ZNF148: variants seen among roughly 807,000 people sequenced by gnomAD.
ZNF148 encodes the protein zinc finger protein 148, also known as Beta-Enolase Repressor Factor-1.
Under a neutral mutation model 67.7 loss-of-function variants are expected in ZNF148, and 7 were observed. That is an observed-to-expected ratio of 0.10 (90% confidence interval 0.06 to 0.19). ZNF148 has a LOEUF of 0.19. Ranked by LOEUF, ZNF148 falls within the 10% of genes least tolerant of loss-of-function variation. ZNF148 has a pLI of 1.00. For synonymous variants in ZNF148, 333 were observed against 330.7 expected, an observed-to-expected ratio of 1.01 and a Z score of -0.08; for missense variants, 583 against 947.1, an observed-to-expected ratio of 0.62 and a Z score of 5.05.
At chr3:125,297,443 T>A (rs1939345099) in intron 4 of ZNF148, among the ~76,000 whole-genome samples, 1 of 145,626 alleles carries the variant, frequency 6.9e-6, no homozygotes, top group Non-Finnish European at 1.5e-5. Context: ...ATACAATAAA[T>A]CGAACCTTAT....
At chr3:125,286,122 A>T (rs927955561) in intron 5 of ZNF148, among the ~76,000 whole-genome samples, 1 of 152,192 alleles carries the variant, frequency 6.6e-6, no homozygotes, top group African/African-American at 2.4e-5. Flanking sequence ...AAATGATTTT[A>T]GAAATAATTT....
intron 2 of ZNF148, among the ~76,000 whole-genome samples, chr3:125,326,794 A>T (rs866542774): frequency 1.4e-5 from 2 of 147,508 alleles, no homozygotes; most frequent in African/African-American, 4.9e-5. Context: ...ATACATCAAG[A>T]TATCTTTTTA....
intron 7 of ZNF148, among the ~76,000 whole-genome samples, chr3:125,254,821 A>G (rs2107556254): frequency 6.6e-6 from 1 of 152,174 alleles, no homozygotes; most frequent in Non-Finnish European, 1.5e-5. Flanking sequence ...AAGTATTTAG[A>G]TTATTTGCAT....
chr3:125,242,987 C>T (rs1402018640), intron 7 of ZNF148, among the ~76,000 whole-genome samples: 2 of 152,172 alleles, frequency 1.3e-5, no homozygotes, highest in Non-Finnish European at 2.9e-5. Flanking sequence ...TCTCGTTTGT[C>T]CTGCTGGACC....
rs1462881858 is a variant in ZNF148, at chr3:125,227,175, T to C, written c.*5166A>G. 4 of 152,460 alleles carry C rather than the reference T, an allele frequency of 2.6e-5. No individual in the cohort carries two copies. The highest frequency in any genetic ancestry group is 6.5e-5 in the Admixed American group (1 of 15,274). 9.4% of individuals were successfully genotyped at this position (152,460 alleles called of 1,614,324 possible). On this transcript the variant is annotated 3_prime_UTR_variant, in exon 9 of 9. Transcript: ENST00000360647. ...TTCCATTTCACTACCCACTCAAGCA[T>C]AGCAACCCAATTCATTTAGTTCTAT...
At chr3:125,285,986 TAC>T (rs1257160710) in intron 5 of ZNF148, among the ~76,000 whole-genome samples, 3 of 152,174 alleles carry the variant, frequency 2.0e-5, no homozygotes, top group South Asian at 2.1e-4. Flanking sequence ...TATCACCAAA[TAC>T]AGAGTCCAAC....
At chr3:125,332,210 T>C (rs1941318617) in intron 1 of ZNF148, among the ~76,000 whole-genome samples, 1 of 152,216 alleles carries the variant, frequency 6.6e-6, no homozygotes, top group South Asian at 2.1e-4. Flanking sequence ...AGCTAGTCAG[T>C]AGCTTTGTTA....
At chr3:125,296,745 A>T (rs1939303417) in intron 4 of ZNF148, among the ~76,000 whole-genome samples, 1 of 152,198 alleles carries the variant, frequency 6.6e-6, no homozygotes, top group Admixed American at 6.5e-5. Context: ...ACCCAATAAT[A>T]AAGAAATAGG....
At chr3:125,330,654 C>T (rs1941252060) in intron 2 of ZNF148, among the ~76,000 whole-genome samples, 1 of 151,930 alleles carries the variant, frequency 6.6e-6, no homozygotes, top group South Asian at 2.1e-4. Flanking sequence ...ATAGTCGAGA[C>T]CCTGTCTCTA....
intron 7 of ZNF148, among the ~76,000 whole-genome samples, chr3:125,249,814 G>T (rs760065063): frequency 8.5e-5 from 13 of 152,066 alleles, no homozygotes; most frequent in Non-Finnish European, 1.6e-4. Context: ...AATGTGGGGG[G>T]TGTGTGTGTA....
chr3:125,349,760 G>A (rs1241399229), intron 1 of ZNF148, among the ~76,000 whole-genome samples: 1 of 152,186 alleles, frequency 6.6e-6, no homozygotes, highest in Non-Finnish European at 1.5e-5. Context: ...AGGATCACTT[G>A]AGTCCAGGAG....
chr3:125,343,167 G>A (rs148125397), intron 1 of ZNF148, among the ~76,000 whole-genome samples: 4,270 of 152,232 alleles, frequency 0.028, 91 homozygotes, highest in South Asian at 0.049. Context: ...TTTTAAACAC[G>A]ATGGAAAAGT....
intron 4 of ZNF148, among the ~76,000 whole-genome samples, chr3:125,298,874 G>A (rs376172314): frequency 1.2e-4 from 19 of 152,008 alleles, no homozygotes; most frequent in Admixed American, 1.0e-3. Flanking sequence ...TGATCCGTCC[G>A]CCTCGGCCTC....
chr3:125,334,489 GGAA>G, intron 1 of ZNF148, among the ~76,000 whole-genome samples: 1 of 152,180 alleles, frequency 6.6e-6, no homozygotes, highest in South Asian at 2.1e-4. Context: ...CAAAAGAAAA[GGAA>G]GAAGGTGATC....
At chr3:125,243,822 G>C (rs893490914) in intron 7 of ZNF148, among the ~76,000 whole-genome samples, 3 of 152,158 alleles carry the variant, frequency 2.0e-5, no homozygotes, top group Admixed American at 6.5e-5. Context: ...TACCACGTCT[G>C]ACCTGTTTCT....
rs150633138 is a variant in ZNF148, at chr3:125,286,432, C to T, written c.459+1671G>A. The stretch of plus-strand genomic sequence containing the variant: ...AGACCAGTGAGAATGCAGACAGATA[C>T]ACCTCAGGTCCACTGCAGGTAGAAG... On this transcript the variant is annotated intron_variant, in intron 5 of 8. Coordinates refer to ENST00000360647, the MANE Select transcript of ZNF148 (RefSeq NM_021964.3). Among the ~76,000 whole-genome samples the T allele has an allele frequency of 2.2e-3, 338 of 152,304 alleles. 3 individuals carry two copies. Among genetic ancestry groups the T allele is most frequent in the African/African-American group, 7.7e-3 (320 of 41,580 alleles).
At chr3:125,362,561 T>C (rs1942577606) in intron 1 of ZNF148, among the ~76,000 whole-genome samples, 1 of 132,894 alleles carries the variant, frequency 7.5e-6, no homozygotes, top group African/African-American at 2.6e-5. Context: ...TTTTTGTTTT[T>C]GTTTTTTTTT....
At chr3:125,235,186 C>G (rs1358189373) in intron 7 of ZNF148, among the ~76,000 whole-genome samples, 1 of 152,098 alleles carries the variant, frequency 6.6e-6, no homozygotes, top group East Asian at 1.9e-4. Flanking sequence ...AAAATTTTTA[C>G]CAAATACTAC....
chr3:125,256,080 A>T lies in ZNF148; in HGVS notation c.667+21646T>A, dbSNP rs79494071. Among the ~76,000 whole-genome samples, 1,212 of 147,936 alleles carry T rather than the reference A, an allele frequency of 8.2e-3. 22 individuals are homozygous for T. The highest frequency in any genetic ancestry group is 0.028 in the African/African-American group (1,122 of 40,628). ...GCTTTCCTCAATTAGAATTCCATTT[A>T]AAAAAAAAAATCGGCGGGGCGCAGT... On this transcript the variant is annotated intron_variant, in intron 7 of 8. Coordinates refer to ENST00000360647, the MANE Select transcript of ZNF148 (RefSeq NM_021964.3).
Sources: gnomAD v4.1 joint callset for allele counts (sites outside exome capture counted in the v4.1 genomes callset) on GRCh38, gnomAD v4.1.1 for gene constraint, MANE v1.5 for transcripts, NCBI Gene and HGNC (gene_info 2026-07-23, HGNC 2026-07-21) for gene names.